The following TUT4 variants were observed in gnomAD, a reference collection of about 807,000 sequenced individuals.
TUT4 encodes the protein terminal uridylyl transferase 4, also known as terminal uridylyltransferase 4.
A neutral mutation model predicts 192.2 loss-of-function variants in TUT4; 36 were observed. The observed-to-expected ratio is 0.19, with a 90% CI of 0.14 to 0.25. The LOEUF (loss-of-function observed/expected upper bound fraction) is 0.25, where lower values mean the gene tolerates loss of function less well. Among genes scored for constraint, TUT4 ranks in the 10% least tolerant of loss-of-function variants. TUT4 has a pLI of 1.00. For missense variants in TUT4, 1,493 were observed against 1,957.2 expected, an observed-to-expected ratio of 0.76 and a Z score of 4.47; for synonymous variants, 618 against 666.0, an observed-to-expected ratio of 0.93 and a Z score of 1.11.
At chr1:52,443,586 G>T (rs1040304115) in intron 24 of TUT4, among the ~76,000 whole-genome samples, 2 of 149,236 alleles carry the variant, frequency 1.3e-5, no homozygotes, top group Non-Finnish European at 3.0e-5. Flanking sequence ...CAAAAACTCC[G>T]TCTCAAAAAA....
chr1:52,451,910 A>G lies in TUT4; in HGVS notation c.3436-5243T>C, dbSNP rs189989182. 9.9e-4 allele frequency among the ~76,000 whole-genome samples: 151 copies of G among 152,126 alleles called. 1 individual carries two copies. Among genetic ancestry groups the G allele is most frequent in the African/African-American group, 3.4e-3 (142 of 41,528 alleles). ...AGAAACAGAAAATCTGAATGGGCCT[A>G]TATCTATTAAATAAACTGAATCAAT... is the stretch of plus-strand genomic sequence containing the variant. On this transcript the variant is annotated intron_variant, in intron 20 of 29. Coordinates refer to ENST00000257177, the MANE Select transcript of TUT4 (RefSeq NM_001009881.3).
chr1:52,519,776 T>C (rs1255809099), intron 2 of TUT4, among the ~76,000 whole-genome samples: 1 of 152,182 alleles, frequency 6.6e-6, no homozygotes, highest in Non-Finnish European at 1.5e-5. Flanking sequence ...CCCAAAGTGC[T>C]GGGATTACAG....
chr1:52,552,804 C>A (rs936994939), intron 1 of TUT4, 127 bp downstream of exon 1: 1 of 152,330 alleles, frequency 6.6e-6, no homozygotes, highest in Non-Finnish European at 1.5e-5. Flanking sequence ...GCGGCTGAGA[C>A]GCTCTCAGGC....
At chr1:52,519,831 T>TAAAAA in intron 2 of TUT4, among the ~76,000 whole-genome samples, 1 of 151,866 alleles carries the variant, frequency 6.6e-6, no homozygotes, top group East Asian at 1.9e-4. Flanking sequence ...ATTTTTTAAA[T>TAAAAA]AAAAAAAATT....
At position 52,458,298 on chromosome 1, in the gene TUT4, TC is replaced by T. The variant is rs111526354; in HGVS notation, c.3435+37del. 7 of 1,511,990 alleles carry T rather than the reference TC, an allele frequency of 4.6e-6. No individual in the cohort carries two copies. In the African/African-American group the frequency reaches 9.8e-5, roughly 21 times the overall value. The allele number at this position is 1,511,990 out of a possible 1,614,324, so 93.7% of individuals were successfully genotyped here. ...TCTCCTGTGTTTAGATCTATTGTTT[TC>T]AAAAAAAACTCCTTTATAGTTTTCT... On this transcript the variant is annotated intron_variant, in intron 20 of 29. Transcript: ENST00000257177.
intron 2 of TUT4, among the ~76,000 whole-genome samples, chr1:52,523,853 A>C (rs541232189): frequency 6.6e-6 from 1 of 152,330 alleles, no homozygotes; most frequent in East Asian, 1.9e-4. Flanking sequence ...TACCACAAGA[A>C]ATAAAAACAA....
chr1:52,436,488 A>AAAAAAT lies in TUT4; in HGVS notation c.4162+261_4162+266dup, dbSNP rs1490782001. ...GTAACAAGAGCGAGACTCCATCTCA[A>AAAAAAT]AAAAATAAAAATAAAAATAAAAATC... is the stretch of plus-strand genomic sequence containing the variant. On this transcript the variant is annotated intron_variant, in intron 26 of 29. Coordinates refer to ENST00000257177, the MANE Select transcript of TUT4 (RefSeq NM_001009881.3). 5.6e-4 allele frequency among the ~76,000 whole-genome samples: 85 copies of AAAAAAT among 152,326 alleles called. No homozygotes were observed. In the Middle Eastern group the frequency reaches 0.01, roughly 18 times the overall value.
chr1:52,478,229 G>A (rs1256207639), intron 11 of TUT4, among the ~76,000 whole-genome samples: 5 of 152,130 alleles, frequency 3.3e-5, no homozygotes, highest in Non-Finnish European at 7.3e-5. Flanking sequence ...CCTAGGCAAT[G>A]GTATTTTTAA....
chr1:52,461,045 T>C (rs1315791229), intron 19 of TUT4, 89 bp downstream of exon 19: 3 of 1,139,638 alleles, frequency 2.6e-6, no homozygotes, highest in African/African-American at 1.5e-5. Flanking sequence ...TAAACAAAAC[T>C]GAGACAAAAT....
At chr1:52,463,480 C>A in intron 16 of TUT4, 1 of 1,050,814 alleles carries the variant, frequency 9.5e-7, no homozygotes. Flanking sequence ...AATTTCAAAA[C>A]CACCGTTCAA....
At chr1:52,528,490 CAAA>C (rs370291946) in intron 1 of TUT4, among the ~76,000 whole-genome samples, 5 of 90,166 alleles carry the variant, frequency 5.5e-5, no homozygotes, top group Non-Finnish European at 4.9e-5. Context: ...GACCCTGTCT[CAAA>C]AAAAAAAAAA....
rs1056688982 is a variant in TUT4 at position 52,423,600 on chromosome 1, T to C, written c.*335A>G. 5.6e-6 allele frequency: 2 copies of C among 356,986 alleles called. No individual in the cohort carries two copies. Among genetic ancestry groups the C allele is most frequent in the Non-Finnish European group, 1.1e-5 (2 of 189,336 alleles). 22.1% of individuals were successfully genotyped at this position (356,986 alleles called of 1,614,324 possible). ...AATGTAATTTTTTAAATTCTCTCTT[T>C]ATACAATTCATCAAGGTTAAACAAA... On this transcript the variant is annotated 3_prime_UTR_variant, in exon 30 of 30. Coordinates refer to ENST00000257177, the MANE Select transcript of TUT4 (RefSeq NM_001009881.3).
intron 2 of TUT4, among the ~76,000 whole-genome samples, chr1:52,524,479 GC>G (rs1173663461): frequency 4.0e-5 from 6 of 150,880 alleles, no homozygotes; most frequent in African/African-American, 1.5e-4. Context: ...AGCCAAGATT[GC>G]GCCACTGCAC....
intron 24 of TUT4, among the ~76,000 whole-genome samples, 188 bp from the exon 25 acceptor site, chr1:52,438,523 T>A (rs1241124561): frequency 6.6e-6 from 1 of 152,220 alleles, no homozygotes; most frequent in East Asian, 1.9e-4. Flanking sequence ...TTGCTAATAG[T>A]ACTAACCAAG....
intron 19 of TUT4, 90 bp from the exon 20 acceptor site, chr1:52,458,539 CCA>C: frequency 1.0e-6 from 1 of 961,258 alleles, no homozygotes; most frequent in Non-Finnish European, 1.6e-6. Flanking sequence ...TTTTTTTAAC[CCA>C]CAGAACTGGG....
At chr1:52,540,589 T>C (rs994615168) in intron 1 of TUT4, among the ~76,000 whole-genome samples, 12 of 152,150 alleles carry the variant, frequency 7.9e-5, no homozygotes, top group African/African-American at 2.7e-4. Flanking sequence ...CACTTATCCT[T>C]ACACATTTGT....
intron 27 of TUT4, chr1:52,432,327 G>C (rs1652355351): frequency 6.6e-6 from 1 of 152,080 alleles, no homozygotes; most frequent in Admixed American, 6.5e-5. Flanking sequence ...TAAGGGGAGA[G>C]GAAGAGTGTT....
At chr1:52,455,607 TAAAAAA>T (rs34934935) in intron 20 of TUT4, among the ~76,000 whole-genome samples, 1 of 40,560 alleles carries the variant, frequency 2.5e-5, no homozygotes, top group Admixed American at 4.4e-4. Flanking sequence ...ACGCTACCTT[TAAAAAA>T]AAAAAAAAAA....
intron 14 of TUT4, among the ~76,000 whole-genome samples, chr1:52,470,780 A>C (rs1480942615): frequency 6.6e-6 from 1 of 152,148 alleles, no homozygotes; most frequent in Non-Finnish European, 1.5e-5. Flanking sequence ...ATTACAATGA[A>C]GCACTAAATG....
Sources: gnomAD v4.1 joint callset for allele counts (sites outside exome capture counted in the v4.1 genomes callset) on GRCh38, gnomAD v4.1.1 for gene constraint, MANE v1.5 for transcripts, NCBI Gene and HGNC (gene_info 2026-07-23, HGNC 2026-07-21) for gene names.